Variants in USP25 observed in about 807,000 individuals in gnomAD.
USP25 encodes ubiquitin specific peptidase 25, also known as ubiquitin carboxyl-terminal hydrolase 25.
USP25 carries 85 observed loss-of-function variants against 158.5 expected under a neutral mutation model. The observed-to-expected ratio is 0.54, with a 90% CI of 0.45 to 0.64. The LOEUF is 0.64. USP25 is among the 30% of genes least tolerant of loss of function. The probability of loss-of-function intolerance (pLI) is 0.00; values close to 1 mark genes in which losing one functional copy is unlikely to be tolerated. For synonymous variants in USP25, 464 were observed against 460.4 expected (o/e 1.01, Z -0.10); for missense variants, 1,242 against 1,327.3 (o/e 0.94, Z 1.00).
chr21:15,738,220 A>G (rs2031704961), intron 1 of USP25, among the ~76,000 whole-genome samples: 1 of 152,140 alleles, frequency 6.6e-6, no homozygotes, highest in Non-Finnish European at 1.5e-5. Context: ...TGTTGCTTTA[A>G]AATAATCTCT....
intron 5 of USP25, among the ~76,000 whole-genome samples, chr21:15,797,121 G>A (rs1227577726): frequency 6.6e-6 from 1 of 151,288 alleles, no homozygotes; most frequent in Non-Finnish European, 1.5e-5. Context: ...ACATAAAGAT[G>A]GGAGCATCAA....
At position 15,877,858 on chromosome 21, in the gene USP25, T is replaced by C; in HGVS notation, c.3072T>C (p.Gly1024=). 1 of 1,613,366 alleles carries C rather than the reference T, an allele frequency of 6.2e-7. No homozygotes were observed. The highest frequency in any genetic ancestry group is 1.1e-5 in the South Asian group (1 of 91,020). Residue 1024 remains glycine, a synonymous_variant, in exon 25 of 26, where the codon GGT becomes GGC. Coordinates refer to ENST00000400183, the MANE Select transcript of USP25 (RefSeq NM_001283041.3). ...GAGAGGATCGAGAAGTAAACAATGG[T>C]TTGATTATCATGAATGAGTTTATTG... ...ESGEDREVNN[G]LIIMNEFIVP...
intron 4 of USP25, among the ~76,000 whole-genome samples, chr21:15,784,528 C>T (rs1024638880): frequency 2.0e-5 from 3 of 151,922 alleles, no homozygotes; most frequent in Non-Finnish European, 2.9e-5. Context: ...GCCGAGATCA[C>T]GCCATTGGAC....
Position 15,791,513 on chromosome 21 carries a change from C to G in USP25, c.404C>G (p.Ala135Gly). Residue 135 changes from alanine (A) to glycine (G), a missense_variant, in exon 5 of 26, where the codon GCC becomes GGC. Ala to Gly is a moderately conservative substitution (Grantham distance 60, BLOSUM62 0). This residue lies in a region of USP25 where 627 missense variants were observed against 701.4 expected (regional missense o/e 0.89). Coordinates refer to ENST00000400183, the MANE Select transcript of USP25 (RefSeq NM_001283041.3). Reference sequence around the variant, plus strand: ...CACCATTGATTAAGAGTTCTTGAAGCCAGCATAGCAGAGAATAAAGCATGT... The same window carrying G: ...CACCATTGATTAAGAGTTCTTGAAGGCAGCATAGCAGAGAATAAAGCATGT... The part of the protein sequence containing the change: ...EEQAISRVLE[A>G]SIAENKACLK... 1.9e-6 allele frequency: 3 copies of G among 1,602,140 alleles called. No individual in the cohort carries two copies. Among genetic ancestry groups the G allele is most frequent in the Non-Finnish European group, 2.6e-6 (3 of 1,174,292 alleles).
At position 15,833,394 on chromosome 21, in the gene USP25, A is replaced by G. The variant is rs2037906762; in HGVS notation, c.2040A>G (p.Thr680=). The change falls in exon 17 of 26, where the codon ACA becomes ACG. Residue 680 remains threonine (T), a synonymous_variant. Coordinates refer to ENST00000400183, the MANE Select transcript of USP25 (RefSeq NM_001283041.3). ...ETGQPLVGIE[T]LPPDLRDFVE... ...GGCAGCCCCTTGTTGGTATAGAAAC[A>G]TTACCACCGGATTTGAGAGATTTTG... 6.2e-7 allele frequency: 1 copy of G among 1,613,946 alleles called. No homozygotes were observed. The highest frequency in any genetic ancestry group is 1.3e-5 in the African/African-American group (1 of 74,920).
rs568677362 is a variant in USP25, at chr21:15,847,852, C to T, written c.2451+76C>T. On this transcript the variant is annotated intron_variant, in intron 19 of 25. Coordinates refer to ENST00000400183, the MANE Select transcript of USP25 (RefSeq NM_001283041.3). ...TACAAATACTTTGGGCATGCCTGCACCCTCATACTTAATGTCTATTGCCAC... is the reference window on the plus strand; with the variant it reads ...TACAAATACTTTGGGCATGCCTGCATCCTCATACTTAATGTCTATTGCCAC... 1.8e-5 allele frequency: 16 copies of T among 893,604 alleles called. No individual in the cohort carries two copies. The South Asian group carries it at 2.2e-4, about 12-fold the overall frequency. The allele number at this position is 893,604 out of a possible 1,614,324, so 55.4% of individuals were successfully genotyped here.
chr21:15,866,162 G>A, intron 21 of USP25, 104 bp from the exon 22 acceptor site: 1 of 601,142 alleles, frequency 1.7e-6, no homozygotes, highest in Non-Finnish European at 2.4e-6. Context: ...AAGTACTGCT[G>A]TTTTTGCTCA....
At position 15,833,328 on chromosome 21, in the gene USP25, T is replaced by A; in HGVS notation, c.1994-20T>A. ...CTTTAATTCTTAATTTTATACTAGT[T>A]TTTGAAATATGATTTGCAGAGGAGT... On this transcript the variant is annotated intron_variant, in intron 16 of 25. Transcript: ENST00000400183. 6.3e-7 allele frequency: 1 copy of A among 1,598,364 alleles called. No individual in the cohort carries two copies. Among genetic ancestry groups the A allele is most frequent in the Non-Finnish European group, 8.5e-7 (1 of 1,173,104 alleles).
At position 15,730,419 on chromosome 21, in the gene USP25, A is replaced by G. The variant is rs1306537101; in HGVS notation, c.26A>G (p.Gln9Arg). ...ATGACCGTGGAGCAGAACGTGCTGC[A>G]GCAGAGCGCGGCGCAGAAGGTGAGG... MTVEQNVL[Q>R]QSAAQKHQQT... The change falls in exon 1 of 26, where the codon CAG (glutamine) becomes CGG (arginine). Residue 9 changes from glutamine to arginine, a missense_variant. Physicochemically the swap from Gln to Arg is conservative, Grantham distance 43. Coordinates refer to ENST00000400183, the MANE Select transcript of USP25 (RefSeq NM_001283041.3). 2.2e-6 allele frequency: 3 copies of G among 1,361,224 alleles called. No homozygotes were observed. The highest frequency in any genetic ancestry group is 1.7e-5 in the South Asian group (1 of 57,334). 84.3% of individuals were successfully genotyped at this position (1,361,224 alleles called of 1,614,324 possible).
intron 3 of USP25, among the ~76,000 whole-genome samples, chr21:15,776,347 ACAC>A (rs2034655422): frequency 6.6e-6 from 1 of 152,108 alleles, no homozygotes; most frequent in Non-Finnish European, 1.5e-5. Context: ...ATTAAAAAAA[ACAC>A]CACCACTTCC....
At chr21:15,867,936 T>G (rs2039727878) in intron 22 of USP25, among the ~76,000 whole-genome samples, 2 of 152,114 alleles carry the variant, frequency 1.3e-5, no homozygotes, top group South Asian at 4.1e-4. Context: ...TTCCCCCAAA[T>G]GCTTTATAAA....
At chr21:15,838,204 C>T (rs1426825944) in intron 17 of USP25, among the ~76,000 whole-genome samples, 1 of 151,742 alleles carries the variant, frequency 6.6e-6, no homozygotes. Flanking sequence ...GCTAGGATTA[C>T]AGGCATGAAG....
chr21:15,827,760 G>A (rs982543216), intron 14 of USP25, among the ~76,000 whole-genome samples: 114 of 121,070 alleles, frequency 9.4e-4, no homozygotes, highest in African/African-American at 3.6e-3. Flanking sequence ...ACTTGTGTGC[G>A]TGTGCGTGTG....
rs2036953724 is a variant in USP25 at position 15,816,683 on chromosome 21, C to A, written c.932-2015C>A. 6.6e-6 allele frequency among the ~76,000 whole-genome samples: 1 copy of A among 152,124 alleles called. No homozygotes were observed. Among genetic ancestry groups the A allele is most frequent in the Non-Finnish European group, 1.5e-5 (1 of 68,016 alleles). ...GCTGTCAATAAGCCAGCAATTCTAT[C>A]TTTATTCCAGAATGTTAATCTTAGT... On this transcript the variant is annotated intron_variant, in intron 9 of 25. Coordinates refer to ENST00000400183, the MANE Select transcript of USP25 (RefSeq NM_001283041.3). The surrounding 1 kb of genome is among the most constrained non-coding windows in gnomAD (Gnocchi z 4.0).
intron 9 of USP25, among the ~76,000 whole-genome samples, chr21:15,817,746 C>T (rs561838236): frequency 1.4e-4 from 21 of 152,122 alleles, no homozygotes; most frequent in African/African-American, 5.1e-4. Context: ...TCTCATGAGG[C>T]ATATTCACTA....
chr21:15,848,991 CA>C (rs141332760), intron 19 of USP25, among the ~76,000 whole-genome samples: 173 of 144,952 alleles, frequency 1.2e-3, no homozygotes, highest in Middle Eastern at 0.01. Context: ...ATTATGAAAA[CA>C]AAAAAAATGC....
intron 25 of USP25, 87 bp downstream of exon 25, chr21:15,878,078 A>G (rs1165974059): frequency 2.6e-6 from 3 of 1,133,660 alleles, no homozygotes; most frequent in Non-Finnish European, 3.7e-6. Context: ...GCCATTTTTT[A>G]TATTAAATAC....
At chr21:15,770,405 T>C (rs1366557552) in intron 3 of USP25, among the ~76,000 whole-genome samples, 1 of 152,180 alleles carries the variant, frequency 6.6e-6, no homozygotes, top group Non-Finnish European at 1.5e-5. Context: ...TATAACTTGA[T>C]GAATTTTCTT....
chr21:15,808,529 G>A (rs1013792954), intron 7 of USP25, among the ~76,000 whole-genome samples: 1 of 150,254 alleles, frequency 6.7e-6, no homozygotes, highest in Non-Finnish European at 1.5e-5. Context: ...AATCTCATTT[G>A]TAAGTTTGGT....
Sources: gnomAD v4.1 joint callset for allele counts (sites outside exome capture counted in the v4.1 genomes callset) on GRCh38, gnomAD v4.1.1 for gene constraint, gnomAD v4.1.1 regional missense constraint, Gnocchi (gnomAD v3.1) non-coding constraint, MANE v1.5 for transcripts, NCBI Gene and HGNC (gene_info 2026-07-23, HGNC 2026-07-21) for gene names.